EEF1AKMT2: variants seen among roughly 807,000 people sequenced by gnomAD.
EEF1AKMT2 encodes EEF1A lysine methyltransferase 2.
Under a neutral mutation model 35.8 loss-of-function variants are expected in EEF1AKMT2, and 32 were observed. That is an observed-to-expected ratio of 0.89 (90% CI 0.67 to 1.20). The LOEUF is 1.20. EEF1AKMT2 is among the 50% of genes most tolerant of loss of function. The pLI is 0.00. For missense variants in EEF1AKMT2, 330 were observed against 347.5 expected (o/e 0.95, Z 0.40); for synonymous variants, 121 against 133.7 (o/e 0.91, Z 0.65).
At chr10:124,761,754 T>C (rs1394736101) in intron 6 of EEF1AKMT2, among the ~76,000 whole-genome samples, 1 of 152,034 alleles carries the variant, frequency 6.6e-6, no homozygotes, top group Non-Finnish European at 1.5e-5. Context: ...CGAAACCCCA[T>C]CTCTAAAAAA....
At position 124,789,099 on chromosome 10, in the gene EEF1AKMT2, G is replaced by C; in HGVS notation, c.235C>G (p.Leu79Val). The change falls in exon 3 of 7, where the codon CTG (leucine) becomes GTG (valine). Residue 79 changes from leucine to valine, a missense_variant. Physicochemically the swap from Leu to Val is conservative, Grantham distance 32 (BLOSUM62 1). Transcript: ENST00000368836. ...CCAATATCAAGCACTGAAGCATCCA[G>C]TGGAATCTTGTGTTTCTGCATCCAC... ...IRWMQKHKIP[L>V]DASVLDIGTG... 1 of 1,613,794 alleles carries C rather than the reference G, an allele frequency of 6.2e-7. No individual in the cohort carries two copies. Among genetic ancestry groups the C allele is most frequent in the South Asian group, 1.1e-5 (1 of 91,070 alleles).
At chr10:124,765,728 T>C in intron 4 of EEF1AKMT2, 120 bp from the exon 5 acceptor site, 1 of 700,008 alleles carries the variant, frequency 1.4e-6, no homozygotes, top group Non-Finnish European at 2.3e-6. Flanking sequence ...GCATTTTACA[T>C]ATAATAAACA....
intron 3 of EEF1AKMT2, among the ~76,000 whole-genome samples, chr10:124,787,073 G>T (rs1950591330): frequency 1.1e-4 from 3 of 26,726 alleles, no homozygotes; most frequent in African/African-American, 4.7e-4. Context: ...AGCCTCCCGA[G>T]TACCTGGGAC....
chr10:124,783,397 G>T (rs1349804771), intron 3 of EEF1AKMT2, among the ~76,000 whole-genome samples: 2 of 152,096 alleles, frequency 1.3e-5, no homozygotes, highest in Non-Finnish European at 2.9e-5. Flanking sequence ...ACCGGCCTTG[G>T]CCTCCCAGAG....
At chr10:124,767,240 G>A (rs1327721676) in intron 4 of EEF1AKMT2, among the ~76,000 whole-genome samples, 1 of 149,756 alleles carries the variant, frequency 6.7e-6, no homozygotes, top group African/African-American at 2.5e-5. Context: ...TTGGCCGGGC[G>A]CAGTGGCTCA....
chr10:124,781,130 G>A (rs1297319989), intron 3 of EEF1AKMT2, among the ~76,000 whole-genome samples: 1 of 151,864 alleles, frequency 6.6e-6, no homozygotes, highest in Non-Finnish European at 1.5e-5. Flanking sequence ...TATTTTAGTA[G>A]AGATGGGGGT....
chr10:124,757,662 CAT>C (rs571267961), downstream of EEF1AKMT2, among the ~76,000 whole-genome samples: 658 of 151,694 alleles, frequency 4.3e-3, 3 homozygotes, highest in African/African-American at 0.015. Flanking sequence ...CACTGAAGCA[CAT>C]GATTCATAAA....
At chr10:124,769,567 A>T (rs938256655) in intron 4 of EEF1AKMT2, among the ~76,000 whole-genome samples, 4 of 152,142 alleles carry the variant, frequency 2.6e-5, no homozygotes, top group African/African-American at 9.7e-5. Flanking sequence ...GTCACACAAA[A>T]TTTTTGGTTT....
chr10:124,772,975 C>T (rs185812752), intron 4 of EEF1AKMT2, among the ~76,000 whole-genome samples: 171 of 152,334 alleles, frequency 1.1e-3, no homozygotes, highest in Non-Finnish European at 1.9e-3. Context: ...TGGAATACCA[C>T]TTTTAATTTC....
chr10:124,774,323 C>T (rs1008231088), intron 4 of EEF1AKMT2, among the ~76,000 whole-genome samples: 10 of 131,894 alleles, frequency 7.6e-5, no homozygotes, highest in Admixed American at 2.7e-4. Context: ...GCCGAGATGG[C>T]GCCACCGCAC....
At chr10:124,768,860 A>C (rs1303153212) in intron 4 of EEF1AKMT2, among the ~76,000 whole-genome samples, 1 of 152,112 alleles carries the variant, frequency 6.6e-6, no homozygotes, top group Non-Finnish European at 1.5e-5. Context: ...TAGTTTAAAC[A>C]AGAAATAATG....
intron 3 of EEF1AKMT2, among the ~76,000 whole-genome samples, chr10:124,782,367 G>A (rs990027634): frequency 1.3e-5 from 2 of 151,940 alleles, no homozygotes; most frequent in Non-Finnish European, 2.9e-5. Context: ...AGGATCACGA[G>A]GTCAGGAGAT....
intron 3 of EEF1AKMT2, among the ~76,000 whole-genome samples, chr10:124,777,942 CTATAT>C (rs1950501827): frequency 6.6e-6 from 1 of 152,126 alleles, no homozygotes; most frequent in African/African-American, 2.4e-5. Flanking sequence ...TAGTGTATGA[CTATAT>C]ATACATACAC....
intron 4 of EEF1AKMT2, among the ~76,000 whole-genome samples, chr10:124,771,383 G>A (rs1262105551): frequency 1.3e-5 from 2 of 151,532 alleles, no homozygotes; most frequent in Non-Finnish European, 2.9e-5. Context: ...ACAGGCGTGA[G>A]CCACCGCGCC....
rs183333818 is a variant in EEF1AKMT2 at position 124,779,986 on chromosome 10, C to T, written c.292-5204G>A. Among the ~76,000 whole-genome samples the T allele has an allele frequency of 9.1e-3, 1,384 of 151,412 alleles. 16 individuals are homozygous for T. The highest frequency in any genetic ancestry group is 0.025 in the South Asian group (120 of 4,780). ...GCTGAGGCAAAAGAATGGTGTGAAC[C>T]CAGGAGGCAGAGCTTACAGTGAGCC... is the stretch of plus-strand genomic sequence containing the variant. On this transcript the variant is annotated intron_variant, in intron 3 of 6. Coordinates refer to ENST00000368836, the MANE Select transcript of EEF1AKMT2 (RefSeq NM_212554.4).
At chr10:124,780,162 T>G (rs909173658) in intron 3 of EEF1AKMT2, among the ~76,000 whole-genome samples, 2 of 152,162 alleles carry the variant, frequency 1.3e-5, no homozygotes, top group Non-Finnish European at 2.9e-5. Flanking sequence ...ATGCAACACT[T>G]AAGCTGCCAT....
downstream of EEF1AKMT2, among the ~76,000 whole-genome samples, chr10:124,757,372 C>T (rs193222811): frequency 1.3e-4 from 20 of 151,956 alleles, no homozygotes; most frequent in African/African-American, 4.8e-4. Flanking sequence ...TACAGATTTT[C>T]ATTGTAGGCT....
At chr10:124,787,892 T>C (rs1207429998) in intron 3 of EEF1AKMT2, among the ~76,000 whole-genome samples, 3 of 152,210 alleles carry the variant, frequency 2.0e-5, no homozygotes, top group Non-Finnish European at 4.4e-5. Flanking sequence ...ATTTGTGCAC[T>C]TTAATGTACA....
At chr10:124,788,275 T>C (rs1950604330) in intron 3 of EEF1AKMT2, among the ~76,000 whole-genome samples, 1 of 152,064 alleles carries the variant, frequency 6.6e-6, no homozygotes. Context: ...TCCCTACCCC[T>C]CCACTCCAAA....
Sources: allele counts gnomAD v4.1 joint callset (sites outside exome capture counted in the v4.1 genomes callset), GRCh38; gene constraint gnomAD v4.1.1; transcripts MANE v1.5; gene names NCBI Gene and HGNC (gene_info 2026-07-23, HGNC 2026-07-21).